The following MRPS31 variants were observed in gnomAD, a reference collection of about 807,000 sequenced individuals.
MRPS31 encodes the protein mitochondrial ribosomal protein S31.
A neutral mutation model predicts 43.1 loss-of-function variants in MRPS31; 32 were observed. The observed-to-expected ratio is 0.74, with a 90% confidence interval of 0.56 to 1.00. MRPS31 has a LOEUF of 1.00. MRPS31 is among the 50% of genes least tolerant of loss of function. MRPS31 has a pLI of 0.00. For missense variants in MRPS31, 437 were observed against 466.7 expected, an observed-to-expected ratio of 0.94 and a Z score of 0.59; for synonymous variants, 165 against 161.6, an observed-to-expected ratio of 1.02 and a Z score of -0.16.
chr13:40,755,188 C>T (rs1880496754), intron 4 of MRPS31, among the ~76,000 whole-genome samples: 1 of 152,116 alleles, frequency 6.6e-6, no homozygotes, highest in Admixed American at 6.6e-5. Context: ...GATCTCAAAT[C>T]ATATAATCTT....
chr13:40,754,878 A>C (rs911475657), intron 4 of MRPS31, among the ~76,000 whole-genome samples: 32 of 152,124 alleles, frequency 2.1e-4, no homozygotes, highest in African/African-American at 5.1e-4. Flanking sequence ...AAAACACACA[A>C]AAAAAATTAG....
At chr13:40,745,936 T>C (rs1249628386) in intron 6 of MRPS31, among the ~76,000 whole-genome samples, 1 of 152,152 alleles carries the variant, frequency 6.6e-6, no homozygotes, top group Non-Finnish European at 1.5e-5. Flanking sequence ...CTAATAGCGC[T>C]TGTAAATCTC....
intron 2 of MRPS31, among the ~76,000 whole-genome samples, chr13:40,765,881 A>G (rs1051878986): frequency 9.8e-5 from 15 of 152,342 alleles, no homozygotes; most frequent in African/African-American, 3.6e-4. Flanking sequence ...AGTATCACTG[A>G]TTGCATTTAG....
chr13:40,766,701 G>A, intron 2 of MRPS31, 45 bp downstream of exon 2: 4 of 1,521,380 alleles, frequency 2.6e-6, no homozygotes, highest in Non-Finnish European at 3.5e-6. Flanking sequence ...AAAACAAAAA[G>A]CTTACTGGAG....
intron 6 of MRPS31, among the ~76,000 whole-genome samples, chr13:40,745,770 A>G (rs185070952): frequency 1.3e-5 from 2 of 151,770 alleles, no homozygotes; most frequent in East Asian, 1.9e-4. Flanking sequence ...CAAATCCTCC[A>G]CCCCCATAAA....
At chr13:40,742,510 T>C (rs936208522) in intron 6 of MRPS31, among the ~76,000 whole-genome samples, 5 of 152,182 alleles carry the variant, frequency 3.3e-5, no homozygotes, top group African/African-American at 1.2e-4. Flanking sequence ...CATAATCTCA[T>C]CAAAAACAAC....
At chr13:40,741,701 C>T (rs568910378) in intron 6 of MRPS31, among the ~76,000 whole-genome samples, 1 of 152,154 alleles carries the variant, frequency 6.6e-6, no homozygotes, top group Admixed American at 6.5e-5. Context: ...CTGAATTGTA[C>T]TCAAACATGT....
intron 6 of MRPS31, among the ~76,000 whole-genome samples, chr13:40,735,460 G>C (rs2137993728): frequency 6.6e-6 from 1 of 152,280 alleles, no homozygotes; most frequent in East Asian, 1.9e-4. Context: ...GCCTCTGTAG[G>C]CTCCACCTCT....
chr13:40,766,547 G>A (rs897838011), intron 2 of MRPS31, among the ~76,000 whole-genome samples, 199 bp downstream of exon 2: 8 of 151,892 alleles, frequency 5.3e-5, no homozygotes, highest in African/African-American at 1.5e-4. Context: ...CGCCCGCCTC[G>A]TCCTCCCAAA....
At chr13:40,741,649 G>A (rs1740536606) in intron 6 of MRPS31, among the ~76,000 whole-genome samples, 1 of 152,094 alleles carries the variant, frequency 6.6e-6, no homozygotes, top group African/African-American at 2.4e-5. Context: ...CATTTCAGAA[G>A]AGACTTTGTA....
At position 40,771,175 on chromosome 13, in the gene MRPS31, G is replaced by A. The variant is rs373083734; in HGVS notation, c.-39C>T. On this transcript the variant is annotated 5_prime_UTR_variant, in exon 1 of 7. Transcript: ENST00000323563. ...AATGAACCAAGAACACAACTGAAAT[G>A]GTGCGTCCCGCTGCCAAACACGTCC... The A allele has an allele frequency of 2.6e-5, 41 of 1,548,608 alleles. No homozygotes were observed. The African/African-American group carries it at 4.7e-4, about 18-fold the overall frequency.
intron 6 of MRPS31, among the ~76,000 whole-genome samples, chr13:40,729,995 G>T (rs2137988749): frequency 6.6e-6 from 1 of 152,018 alleles, no homozygotes; most frequent in East Asian, 2.0e-4. Flanking sequence ...CTCCCAAAGT[G>T]TTGGGATTAC....
chr13:40,758,196 C>A (rs547050079), intron 3 of MRPS31, among the ~76,000 whole-genome samples: 1 of 151,126 alleles, frequency 6.6e-6, no homozygotes, highest in African/African-American at 2.4e-5. Context: ...AGTAGCTAGA[C>A]TTCAGGCACA....
chr13:40,732,345 T>G (rs1024400046), intron 6 of MRPS31, among the ~76,000 whole-genome samples: 2 of 152,224 alleles, frequency 1.3e-5, no homozygotes, highest in Non-Finnish European at 2.9e-5. Context: ...GTAGACATTT[T>G]AAGAAAGTGT....
At chr13:40,753,537 T>C (rs1411800581) in intron 5 of MRPS31, among the ~76,000 whole-genome samples, 1 of 151,992 alleles carries the variant, frequency 6.6e-6, no homozygotes. Context: ...TACTTAAGAG[T>C]GTATGTGTGT....
chr13:40,735,214 C>T (rs541041309), intron 6 of MRPS31, among the ~76,000 whole-genome samples: 25 of 152,340 alleles, frequency 1.6e-4, no homozygotes, highest in East Asian at 9.7e-4. Context: ...CCGAATACTG[C>T]GCTTTTCCAA....
intron 6 of MRPS31, among the ~76,000 whole-genome samples, chr13:40,739,268 A>G (rs1278523977): frequency 2.6e-5 from 4 of 151,848 alleles, no homozygotes; most frequent in Admixed American, 6.6e-5. Flanking sequence ...ACTACAAACC[A>G]CTGCTCAATG....
At chr13:40,746,036 T>C (rs1880232094) in intron 6 of MRPS31, among the ~76,000 whole-genome samples, 1 of 152,222 alleles carries the variant, frequency 6.6e-6, no homozygotes, top group Non-Finnish European at 1.5e-5. Flanking sequence ...ATAATTTATA[T>C]GCATTAAGTG....
At chr13:40,770,807 T>G in intron 1 of MRPS31, 178 bp downstream of exon 1, 1 of 721,954 alleles carries the variant, frequency 1.4e-6, no homozygotes. Context: ...CGACCAGGTT[T>G]GTAATCGTAG....
Sources: gnomAD v4.1 joint callset for allele counts (sites outside exome capture counted in the v4.1 genomes callset) on GRCh38, gnomAD v4.1.1 for gene constraint, MANE v1.5 for transcripts, NCBI Gene and HGNC (gene_info 2026-07-23, HGNC 2026-07-21) for gene names.